The following ZNF385D variants were observed in gnomAD, a reference collection of about 807,000 sequenced individuals.
ZNF385D encodes zinc finger protein 385D.
ZNF385D carries 15 observed loss-of-function variants against 35.8 expected under a neutral mutation model. The observed-to-expected ratio is 0.42, with a 90% CI of 0.28 to 0.64. ZNF385D has a LOEUF of 0.64. Ranked by LOEUF, ZNF385D falls within the 30% of genes least tolerant of loss-of-function variation. The pLI, the probability that ZNF385D is intolerant of heterozygous loss-of-function variation, is 0.23. For synonymous variants in ZNF385D, 212 were observed against 186.8 expected (o/e 1.13, Z -1.10); for missense variants, 474 against 494.6 (o/e 0.96, Z 0.39).
chr3:21,858,762 C>T (rs1320480974), intron 3 of ZNF385D, among the ~76,000 whole-genome samples: 3 of 152,068 alleles, frequency 2.0e-5, no homozygotes, highest in Non-Finnish European at 4.4e-5. Context: ...TATCCATGTT[C>T]CCGAATTTTA....
In ZNF385D at chr3:22,314,012, G is replaced by A. The variant is rs142583081; in HGVS notation, c.106+58438C>T. On this transcript the variant is annotated intron_variant, in intron 2 of 5. Transcript: ENST00000494108. ...TTTGTTGCAGATTCCAGTCCTTCTG[G>A]AAATGGCAGTGCTTCTCACTCTGAG... Among the ~76,000 whole-genome samples the A allele has an allele frequency of 9.4e-3, 1,438 of 152,202 alleles. 10 individuals are homozygous for A. The highest frequency in any genetic ancestry group is 0.016 in the Non-Finnish European group (1,115 of 68,002).
At chr3:21,626,426 GCTTA>G (rs2065136567) in intron 2 of ZNF385D, among the ~76,000 whole-genome samples, 3 of 152,052 alleles carry the variant, frequency 2.0e-5, no homozygotes, top group South Asian at 4.1e-4. Flanking sequence ...TAATAAAATG[GCTTA>G]CTTATGTAGA....
At chr3:22,253,687 T>C (rs1027036330) in intron 2 of ZNF385D, among the ~76,000 whole-genome samples, 1 of 152,010 alleles carries the variant, frequency 6.6e-6, no homozygotes, top group African/African-American at 2.4e-5. Flanking sequence ...ATTTTGTCAG[T>C]GACTTAGTTT....
At chr3:21,961,731 G>C (rs749933507) in intron 3 of ZNF385D, among the ~76,000 whole-genome samples, 1 of 152,084 alleles carries the variant, frequency 6.6e-6, no homozygotes, top group Non-Finnish European at 1.5e-5. Flanking sequence ...ACATGATCCA[G>C]GGATTCAGGA....
chr3:21,957,835 T>C (rs903131397), intron 3 of ZNF385D, among the ~76,000 whole-genome samples: 4 of 152,156 alleles, frequency 2.6e-5, no homozygotes, highest in Non-Finnish European at 5.9e-5. Flanking sequence ...AGCCCATAGG[T>C]TCTCTCTCCA....
intron 3 of ZNF385D, among the ~76,000 whole-genome samples, chr3:21,928,259 A>AAGGAAGGAAGGAAGGAAGAG (rs1700834106): frequency 1.2e-5 from 1 of 86,020 alleles, no homozygotes; most frequent in East Asian, 6.1e-4. Flanking sequence ...AGGAAGGAAG[A>AAGGAAGGAAGGAAGGAAGAG]AGGAAGGAAG....
chr3:22,130,304 T>A (rs575698558), intron 3 of ZNF385D, among the ~76,000 whole-genome samples: 4 of 152,268 alleles, frequency 2.6e-5, no homozygotes, highest in Admixed American at 1.3e-4. Context: ...CCAGCTGGTA[T>A]CTCACTAGGT....
chr3:21,951,433 A>G (rs1268073459), intron 3 of ZNF385D, among the ~76,000 whole-genome samples: 1 of 151,712 alleles, frequency 6.6e-6, no homozygotes, highest in Admixed American at 6.6e-5. Flanking sequence ...TTATCAGCTT[A>G]AGGAGATTTG....
Position 21,768,771 on chromosome 3 carries a change from G to A in ZNF385D, c.326-103743C>T, listed in dbSNP as rs753101144. On this transcript the variant is annotated intron_variant, in intron 3 of 5. Coordinates refer to the ZNF385D transcript ENST00000494108. ...TTCCCTCCATTGTTACGAACCCACC[G>A]TCCCCCATTGAAATGAGTTTCAGCT... 5.0e-4 allele frequency among the ~76,000 whole-genome samples: 76 copies of A among 151,978 alleles called. 1 individual carries two copies. The highest frequency in any genetic ancestry group is 1.2e-3 in the South Asian group (6 of 4,810).
intron 3 of ZNF385D, among the ~76,000 whole-genome samples, chr3:21,887,143 G>A (rs1015574887): frequency 6.6e-6 from 1 of 152,120 alleles, no homozygotes; most frequent in East Asian, 1.9e-4. Flanking sequence ...TTACCTTTGA[G>A]AAATTTGTAT....
At chr3:21,840,776 CA>C (rs1173968306) in intron 3 of ZNF385D, among the ~76,000 whole-genome samples, 1 of 151,734 alleles carries the variant, frequency 6.6e-6, no homozygotes, top group Non-Finnish European at 1.5e-5. Flanking sequence ...TTCATTCATT[CA>C]AAAAAGTTTG....
chr3:22,205,504 A>T (rs1697088794), intron 2 of ZNF385D, among the ~76,000 whole-genome samples: 1 of 152,068 alleles, frequency 6.6e-6, no homozygotes, highest in Non-Finnish European at 1.5e-5. Context: ...TGTGGCATGT[A>T]AACTATGCAT....
chr3:21,858,206 G>A (rs935797090), intron 3 of ZNF385D, among the ~76,000 whole-genome samples: 1 of 149,028 alleles, frequency 6.7e-6, no homozygotes, highest in South Asian at 2.1e-4. Flanking sequence ...GTTTATCTCA[G>A]AAACGTCAGA....
intron 2 of ZNF385D, among the ~76,000 whole-genome samples, chr3:21,585,840 A>T (rs1269878323): frequency 1.3e-5 from 2 of 152,180 alleles, no homozygotes; most frequent in Non-Finnish European, 2.9e-5. Flanking sequence ...ATAGCTGAGC[A>T]TGGAAAATGG....
At chr3:22,303,170 T>C (rs1323024617) in intron 2 of ZNF385D, among the ~76,000 whole-genome samples, 1 of 152,182 alleles carries the variant, frequency 6.6e-6, no homozygotes, top group Admixed American at 6.5e-5. Context: ...ACATGTTGCC[T>C]AGAATGAAGA....
chr3:22,033,979 T>C (rs1013212993), intron 3 of ZNF385D, among the ~76,000 whole-genome samples: 7 of 152,216 alleles, frequency 4.6e-5, no homozygotes, highest in Non-Finnish European at 1.0e-4. Context: ...TGAGACGGTT[T>C]GCTTAGGACA....
intron 1 of ZNF385D, among the ~76,000 whole-genome samples, chr3:21,683,783 T>C (rs753971053): frequency 6.7e-6 from 1 of 149,952 alleles, no homozygotes; most frequent in Non-Finnish European, 1.5e-5. Context: ...CTCTGGGAGC[T>C]AAGAGTAGCC....
At chr3:21,882,219 G>A (rs2673535) in intron 3 of ZNF385D, among the ~76,000 whole-genome samples, 65,809 of 151,746 alleles carry the variant, frequency 0.43, 14,625 homozygotes, top group East Asian at 0.55. Context: ...AATCTTTTGT[G>A]AAAAGAAAAT....
chr3:22,059,970 G>C (rs1559338249), intron 3 of ZNF385D, among the ~76,000 whole-genome samples: 1 of 152,144 alleles, frequency 6.6e-6, no homozygotes, highest in Non-Finnish European at 1.5e-5. Context: ...AGTGAAGGGA[G>C]GGTGACTTTT....
Sources: gnomAD v4.1 joint callset for allele counts (sites outside exome capture counted in the v4.1 genomes callset) on GRCh38, gnomAD v4.1.1 for gene constraint, MANE v1.5 for transcripts, NCBI Gene and HGNC (gene_info 2026-07-23, HGNC 2026-07-21) for gene names.